Variants in FAM20A observed in about 807,000 individuals in gnomAD.
FAM20A encodes the protein FAM20A golgi associated secretory pathway pseudokinase.
Under a neutral mutation model 52.0 loss-of-function variants are expected in FAM20A, and 42 were observed. The ratio of observed to expected loss-of-function variants is 0.81; its 90% CI spans 0.63 to 1.04. FAM20A has a LOEUF of 1.04. Among genes scored for constraint, FAM20A ranks in the 50% least tolerant of loss-of-function variants. The probability of loss-of-function intolerance (pLI) is 0.00; values close to 1 mark genes in which losing one functional copy is unlikely to be tolerated. For synonymous variants in FAM20A, 304 were observed against 298.9 expected (o/e 1.02, Z -0.18); for missense variants, 742 against 712.7 (o/e 1.04, Z -0.47).
chr17:68,567,659 T>A (rs1019296873), intron 1 of FAM20A, among the ~76,000 whole-genome samples: 1 of 151,990 alleles, frequency 6.6e-6, no homozygotes, highest in Non-Finnish European at 1.5e-5. Flanking sequence ...TGAAAGTTTG[T>A]CCTGCATTGA....
chr17:68,537,814 C>T lies in FAM20A; in HGVS notation c.1362-73G>A, dbSNP rs987829743. 3 of 1,509,338 alleles carry T rather than the reference C, an allele frequency of 2.0e-6. No individual in the cohort carries two copies. The highest frequency in any genetic ancestry group is 1.4e-5 in the African/African-American group (1 of 72,276). The allele number at this position is 1,509,338 out of a possible 1,614,324, so 93.5% of individuals were successfully genotyped here. ...TAACTTGCCTGAACTTCTTTCCCCA[C>T]AAACAGCTGTTGTAGCTGATACTCT... On this transcript the variant is annotated intron_variant, in intron 10 of 10. Transcript: ENST00000592554. This position sits in a 1 kb window ranked among gnomAD's most constrained non-coding sequence, Gnocchi z 4.2.
rs1303896576 is a variant in FAM20A, at chr17:68,601,052, G to A, written c.-386C>T. The A allele has an allele frequency of 6.6e-6, 1 of 151,260 alleles. No individual in the cohort carries two copies. The highest frequency in any genetic ancestry group is 1.5e-5 in the Non-Finnish European group (1 of 67,914). 9.4% of individuals were successfully genotyped at this position (151,260 alleles called of 1,614,324 possible). The stretch of plus-strand genomic sequence containing the variant: ...CGCGGGCGGACGGGCGACGGGGCGG[G>A]GGGCGACCGCGGAGGGCGGACGGAG... On this transcript the variant is annotated 5_prime_UTR_variant, in exon 1 of 11. Transcript: ENST00000592554.
intron 1 of FAM20A, among the ~76,000 whole-genome samples, chr17:68,560,837 C>A (rs1337961239): frequency 6.6e-6 from 1 of 152,196 alleles, no homozygotes; most frequent in Non-Finnish European, 1.5e-5. Flanking sequence ...GCTTTGCCAA[C>A]AGTGTAGTGA....
At chr17:68,553,733 T>TACATATATATAC (rs1185348015) in intron 3 of FAM20A, among the ~76,000 whole-genome samples, 1 of 151,048 alleles carries the variant, frequency 6.6e-6, no homozygotes, top group Non-Finnish European at 1.5e-5. Flanking sequence ...GTGATTCTAA[T>TACATATATATAC]ACATATATAT....
In FAM20A at chr17:68,551,906, G is replaced by C; in HGVS notation, c.686C>G (p.Ser229Trp). ...GVHLKLVLRF[S>W]DFGKAMFKPM... ...TTTGAACATGGCCTTCCCGAAATCC[G>C]AGAACCTCAGCACCAGCTTGAGGTG... is the stretch of plus-strand genomic sequence containing the variant. Residue 229 changes from serine (S) to tryptophan (W), a missense_variant, in exon 4 of 11, where the codon TCG becomes TGG. By Grantham distance (177) the Ser-to-Trp change is radical. Transcript: ENST00000592554. The C allele has an allele frequency of 6.3e-7, 1 of 1,590,084 alleles. No individual in the cohort carries two copies. Among genetic ancestry groups the C allele is most frequent in the East Asian group, 2.3e-5 (1 of 43,974 alleles).
At chr17:68,598,003 G>GT (rs145406524) in intron 1 of FAM20A, 5,879 of 126,154 alleles carry the variant, frequency 0.047, 220 homozygotes, top group African/African-American at 0.081. Flanking sequence ...CTTCTGTATG[G>GT]TTTTTTTTTT....
At chr17:68,595,307 C>T (rs555396525) in intron 1 of FAM20A, among the ~76,000 whole-genome samples, 3 of 152,336 alleles carry the variant, frequency 2.0e-5, no homozygotes, top group Admixed American at 1.3e-4. Flanking sequence ...CACTGATGCT[C>T]TCCCTGATTT....
At chr17:68,585,388 C>T (rs2088137958) in intron 1 of FAM20A, among the ~76,000 whole-genome samples, 1 of 151,994 alleles carries the variant, frequency 6.6e-6, no homozygotes, top group Admixed American at 6.6e-5. Context: ...TGTATTATTG[C>T]ACTCTCTTCA....
intron 1 of FAM20A, among the ~76,000 whole-genome samples, chr17:68,584,337 CAAAACAAAACAAAAAAA>C (rs2088103753): frequency 1.1e-5 from 1 of 91,946 alleles, no homozygotes; most frequent in African/African-American, 5.5e-5. Context: ...CAAAACAAAA[CAAAACAAAACAAAAAAA>C]AAACCCAAAC....
At chr17:68,557,623 A>T (rs1049557920) in intron 1 of FAM20A, 20 of 152,144 alleles carry the variant, frequency 1.3e-4, no homozygotes, top group African/African-American at 4.8e-4. Flanking sequence ...TTTACAAGTC[A>T]CCCAGTTTAT....
intron 3 of FAM20A, among the ~76,000 whole-genome samples, chr17:68,553,078 C>T (rs2086916849): frequency 6.6e-6 from 1 of 152,186 alleles, no homozygotes; most frequent in East Asian, 1.9e-4. Flanking sequence ...AATCTCATCT[C>T]AAATTGCTGA....
At chr17:68,557,077 G>C (rs1009815063) in intron 1 of FAM20A, among the ~76,000 whole-genome samples, 2 of 152,058 alleles carry the variant, frequency 1.3e-5, no homozygotes, top group African/African-American at 4.8e-5. Context: ...GTGCACACCT[G>C]TAATCCCAGC....
intron 1 of FAM20A, among the ~76,000 whole-genome samples, chr17:68,566,703 T>C (rs2087386544): frequency 1.3e-5 from 2 of 152,212 alleles, no homozygotes; most frequent in African/African-American, 4.8e-5. Context: ...CTGTTTTTAG[T>C]TGCATTGGGA....
intron 1 of FAM20A, among the ~76,000 whole-genome samples, chr17:68,556,296 T>C (rs2087047606): frequency 6.6e-6 from 1 of 152,200 alleles, no homozygotes; most frequent in Admixed American, 6.5e-5. Flanking sequence ...TACTGTTTGT[T>C]CTGCTTGGGT....
chr17:68,597,064 G>T (rs1368479176), intron 1 of FAM20A, among the ~76,000 whole-genome samples: 1 of 152,126 alleles, frequency 6.6e-6, no homozygotes. Flanking sequence ...CTGCACAAAT[G>T]TCATCTTCCA....
At chr17:68,554,030 A>G (rs62087500) in intron 3 of FAM20A, among the ~76,000 whole-genome samples, 2,352 of 65,326 alleles carry the variant, frequency 0.036, 55 homozygotes, top group African/African-American at 0.081. Flanking sequence ...ATACATATAT[A>G]CACACATGCA....
rs941049443 is a variant in FAM20A at position 68,552,049 on chromosome 17, C to A, written c.641-98G>T. 3.9e-6 allele frequency: 3 copies of A among 767,640 alleles called. No individual in the cohort carries two copies. The Admixed American group carries it at 6.0e-5, about 15-fold the overall frequency. The allele number at this position is 767,640 out of a possible 1,614,324, so 47.6% of individuals were successfully genotyped here. ...TAAGCCCAGCTGACTTCGCTTTCCT[C>A]TTATGTAATGAGACCCTAAAGACTA... On this transcript the variant is annotated intron_variant, in intron 3 of 10. Transcript: ENST00000592554.
intron 1 of FAM20A, among the ~76,000 whole-genome samples, chr17:68,591,445 C>T (rs1478524420): frequency 6.6e-6 from 1 of 152,230 alleles, no homozygotes; most frequent in Non-Finnish European, 1.5e-5. Flanking sequence ...TCTGCCCTTA[C>T]TGAGGTTTGG....
At chr17:68,550,468 C>T (rs1459708604) in intron 4 of FAM20A, among the ~76,000 whole-genome samples, 1 of 150,528 alleles carries the variant, frequency 6.6e-6, no homozygotes, top group Non-Finnish European at 1.5e-5. Context: ...GCAACCTCCT[C>T]CTCCTGGGTT....
Sources: allele counts gnomAD v4.1 joint callset (sites outside exome capture counted in the v4.1 genomes callset), GRCh38; gene constraint gnomAD v4.1.1; non-coding constraint Gnocchi (gnomAD v3.1); transcripts MANE v1.5; gene names NCBI Gene and HGNC (gene_info 2026-07-23, HGNC 2026-07-21).